The following SOX6 variants were observed in gnomAD, a reference collection of about 807,000 sequenced individuals.
The protein encoded by SOX6 is SRY-box transcription factor 6.
Under a neutral mutation model 97.8 loss-of-function variants are expected in SOX6, and 11 were observed. That is an observed-to-expected ratio of 0.11 (90% confidence interval 0.07 to 0.19). SOX6 has a LOEUF of 0.19. Among genes scored for constraint, SOX6 ranks in the 10% least tolerant of loss-of-function variants. The pLI is 1.00. For synonymous variants in SOX6, 360 were observed against 371.4 expected (o/e 0.97, Z 0.35); for missense variants, 810 against 1,039.5 (o/e 0.78, Z 3.04).
At chr11:15,998,263 C>G (rs55730626) in intron 13 of SOX6, among the ~76,000 whole-genome samples, 1 of 149,774 alleles carries the variant, frequency 6.7e-6, no homozygotes, top group African/African-American at 2.4e-5. Context: ...TAAAAAATAC[C>G]AAAATCAATC....
intron 1 of SOX6, among the ~76,000 whole-genome samples, chr11:16,449,832 A>C (rs1459584684): frequency 5.9e-5 from 9 of 152,182 alleles, no homozygotes; most frequent in Admixed American, 5.9e-4. Flanking sequence ...GGTAGAATGG[A>C]GGTAGAAAAA....
At chr11:16,531,724 T>G (rs1187783494) in intron 4 of SOX6, among the ~76,000 whole-genome samples, 1 of 151,972 alleles carries the variant, frequency 6.6e-6, no homozygotes, top group African/African-American at 2.4e-5. Flanking sequence ...TCTTACATTA[T>G]GTGTAGTCTA....
At chr11:16,075,805 A>G (rs186394552) in intron 9 of SOX6, among the ~76,000 whole-genome samples, 9 of 152,184 alleles carry the variant, frequency 5.9e-5, no homozygotes, top group Admixed American at 2.0e-4. Flanking sequence ...AAAGTATATA[A>G]TAATAATAAT....
At chr11:16,018,800 T>C (rs1854960681) in intron 12 of SOX6, among the ~76,000 whole-genome samples, 1 of 152,114 alleles carries the variant, frequency 6.6e-6, no homozygotes. Context: ...ATGACATTTT[T>C]ATTATTTTAT....
At chr11:16,137,388 T>C (rs886672386) in intron 6 of SOX6, among the ~76,000 whole-genome samples, 2 of 152,134 alleles carry the variant, frequency 1.3e-5, no homozygotes, top group Admixed American at 1.3e-4. Context: ...ATCACACCAC[T>C]GCACTCTAGC....
intron 4 of SOX6, among the ~76,000 whole-genome samples, chr11:16,490,912 T>A (rs1254348723): frequency 6.6e-6 from 1 of 152,120 alleles, no homozygotes; most frequent in Non-Finnish European, 1.5e-5. Flanking sequence ...AAACAGTATT[T>A]TTAAGCAAAC....
chr11:16,381,531 A>G (rs1857820165), intron 1 of SOX6, among the ~76,000 whole-genome samples: 1 of 151,524 alleles, frequency 6.6e-6, no homozygotes, highest in South Asian at 2.1e-4. Flanking sequence ...TTTTTTCTTT[A>G]CCTCTGCTGC....
chr11:15,997,873 G>T (rs1423293735), intron 13 of SOX6, among the ~76,000 whole-genome samples: 5 of 152,086 alleles, frequency 3.3e-5, no homozygotes, highest in Non-Finnish European at 7.4e-5. Flanking sequence ...ACGAGGTCAG[G>T]AGTTCAAGAC....
intron 4 of SOX6, among the ~76,000 whole-genome samples, chr11:16,549,048 C>T (rs2133183159): frequency 6.6e-6 from 1 of 152,100 alleles, no homozygotes; most frequent in East Asian, 1.9e-4. Flanking sequence ...AGACATTGCT[C>T]CAAAGAGACA....
intron 4 of SOX6, among the ~76,000 whole-genome samples, chr11:16,597,244 A>G (rs1054083401): frequency 1.3e-5 from 2 of 152,010 alleles, no homozygotes; most frequent in Non-Finnish European, 2.9e-5. Flanking sequence ...TACTGATCAT[A>G]TAACTATTGT....
chr11:16,600,969 G>A (rs764336934), intron 4 of SOX6, among the ~76,000 whole-genome samples: 8 of 151,964 alleles, frequency 5.3e-5, no homozygotes, highest in Non-Finnish European at 7.4e-5. Context: ...TGAATATTGA[G>A]ATTCAGGGCA....
At chr11:16,608,006 G>C (rs1480522253) in intron 4 of SOX6, among the ~76,000 whole-genome samples, 3 of 152,060 alleles carry the variant, frequency 2.0e-5, no homozygotes, top group African/African-American at 4.8e-5. Context: ...CGCCTGGAAA[G>C]AGACGGTGAA....
intron 4 of SOX6, among the ~76,000 whole-genome samples, chr11:16,552,363 TAA>T (rs944328967): frequency 6.6e-5 from 10 of 152,168 alleles, no homozygotes. Flanking sequence ...AGACTGAAAG[TAA>T]GATGTATGGA....
At position 16,607,967 on chromosome 11, in the gene SOX6, G is replaced by C. The variant is rs1848355183; in HGVS notation, n.609+4114C>G. On this transcript the variant is annotated intron_variant and non_coding_transcript_variant, in intron 4 of 5. Transcript: ENST00000524520. The surrounding 1 kb of genome is among the most constrained non-coding windows in gnomAD (Gnocchi z 6.5). ...AAGAGAGAGGAGGGCAGAGACATCG[G>C]CGAGACCAGAGGTTGGAACTGGGGA... Among the ~76,000 whole-genome samples, 1 of 152,088 alleles carries C rather than the reference G, an allele frequency of 6.6e-6. No homozygotes were observed. The highest frequency in any genetic ancestry group is 1.5e-5 in the Non-Finnish European group (1 of 68,018).
intron 9 of SOX6, among the ~76,000 whole-genome samples, chr11:16,065,180 A>C (rs1564934202): frequency 6.6e-6 from 1 of 152,142 alleles, no homozygotes; most frequent in African/African-American, 2.4e-5. Context: ...TGCAGGATAT[A>C]AAATCAACAT....
At chr11:16,504,612 G>A (rs983807712) in intron 4 of SOX6, among the ~76,000 whole-genome samples, 1 of 152,100 alleles carries the variant, frequency 6.6e-6, no homozygotes, top group Non-Finnish European at 1.5e-5. Context: ...GACATCCCAT[G>A]CTCATGGACT....
chr11:16,277,979 C>T (rs1325079087), intron 3 of SOX6, among the ~76,000 whole-genome samples: 2 of 152,120 alleles, frequency 1.3e-5, no homozygotes, highest in East Asian at 1.9e-4. Flanking sequence ...GTATTAAAAG[C>T]ACTTGGCCAA....
At chr11:16,730,431 A>G (rs1049614261) in intron 2 of SOX6, among the ~76,000 whole-genome samples, 3 of 152,218 alleles carry the variant, frequency 2.0e-5, no homozygotes, top group African/African-American at 7.2e-5. Flanking sequence ...AGAACTCAGG[A>G]TTAAGAAACT....
intron 3 of SOX6, among the ~76,000 whole-genome samples, chr11:16,273,916 A>G (rs1854326287): frequency 1.3e-5 from 2 of 152,126 alleles, no homozygotes; most frequent in Non-Finnish European, 2.9e-5. Flanking sequence ...TACATATAGA[A>G]TAAACATTGA....
Sources: allele counts gnomAD v4.1 joint callset (sites outside exome capture counted in the v4.1 genomes callset), GRCh38; gene constraint gnomAD v4.1.1; non-coding constraint Gnocchi (gnomAD v3.1); transcripts MANE v1.5; gene names NCBI Gene and HGNC (gene_info 2026-07-23, HGNC 2026-07-21).